The following PTPRF variants were observed in gnomAD, a reference collection of about 807,000 sequenced individuals.
PTPRF encodes receptor-type tyrosine-protein phosphatase F.
A neutral mutation model predicts 201.8 loss-of-function variants in PTPRF; 59 were observed. That is an observed-to-expected ratio of 0.29 (90% CI 0.24 to 0.36). The LOEUF is 0.36. Among genes scored for constraint, PTPRF ranks in the 10% least tolerant of loss-of-function variants. PTPRF has a pLI of 1.00. For missense variants in PTPRF, 2,132 were observed against 2,690.5 expected (o/e 0.79, Z 4.59); for synonymous variants, 1,088 against 1,089.7 (o/e 1.00, Z 0.03).
Position 43,553,699 on chromosome 1 carries a change from G to C in PTPRF, c.237+62G>C. 1 of 1,609,968 alleles carries C rather than the reference G, an allele frequency of 6.2e-7. No individual in the cohort carries two copies. Among genetic ancestry groups the C allele is most frequent in the Non-Finnish European group, 8.5e-7 (1 of 1,177,452 alleles). On this transcript the variant is annotated intron_variant, in intron 4 of 33. Coordinates refer to ENST00000359947, the MANE Select transcript of PTPRF (RefSeq NM_002840.5). The surrounding 1 kb of genome is among the most constrained non-coding windows in gnomAD (Gnocchi z 4.1). Reference sequence around the variant, plus strand: ...GGTCTGCCCACACTCTCTCCTTTCAGTGTCCCTCCTCATGGACCTTTTGGA... The same window carrying C: ...GGTCTGCCCACACTCTCTCCTTTCACTGTCCCTCCTCATGGACCTTTTGGA...
At chr1:43,532,985 A>G (rs1643752253) in intron 1 of PTPRF, among the ~76,000 whole-genome samples, 1 of 152,220 alleles carries the variant, frequency 6.6e-6, no homozygotes, top group African/African-American at 2.4e-5. Context: ...CTCTCGCAGC[A>G]TACCTGTGCA....
At chr1:43,586,297 C>G (rs3791142) in intron 7 of PTPRF, among the ~76,000 whole-genome samples, 1 of 152,058 alleles carries the variant, frequency 6.6e-6, no homozygotes, top group South Asian at 2.1e-4. Context: ...GCCCCCACCC[C>G]GCTTCTGTGG....
rs578217622 is a variant in PTPRF at position 43,617,578 on chromosome 1, G to A, written c.4195+10G>A. The A allele has an allele frequency of 5.0e-6, 8 of 1,613,684 alleles. No homozygotes were observed. In the South Asian group the frequency reaches 8.8e-5, roughly 18 times the overall value. On this transcript the variant is annotated intron_variant, in intron 24 of 33. Transcript: ENST00000359947. ...CTTACCTCTATCGATGGTGAGCCAAGGGGGTGCCCCTCCCATCCCCTTGCT... is the reference window on the plus strand; with the variant it reads ...CTTACCTCTATCGATGGTGAGCCAAAGGGGTGCCCCTCCCATCCCCTTGCT...
At chr1:43,569,977 C>T (rs1646459881) in intron 6 of PTPRF, among the ~76,000 whole-genome samples, 199 bp downstream of exon 6, 2 of 152,172 alleles carry the variant, frequency 1.3e-5, no homozygotes, top group Non-Finnish European at 1.5e-5. Flanking sequence ...TTACCTTCTT[C>T]GGATTGTCAG....
chr1:43,607,591 A>G (rs1404481541), intron 21 of PTPRF, among the ~76,000 whole-genome samples: 1 of 152,184 alleles, frequency 6.6e-6, no homozygotes, highest in Admixed American at 6.5e-5. Context: ...CCAAAGATTT[A>G]ACTTTGTCAC....
chr1:43,535,489 G>A (rs1030831479), intron 1 of PTPRF, among the ~76,000 whole-genome samples: 2 of 152,144 alleles, frequency 1.3e-5, no homozygotes, highest in African/African-American at 4.8e-5. Flanking sequence ...TCTGGTTTTA[G>A]CTCCTTAGCA....
chr1:43,609,340 C>G (rs1557847661), intron 21 of PTPRF, 43 bp from the exon 22 acceptor site: 1 of 1,541,904 alleles, frequency 6.5e-7, no homozygotes, highest in East Asian at 2.3e-5. Context: ...ACTGTCTCAG[C>G]CTGGACCTCA....
At chr1:43,599,837 G>A (rs966035731) in intron 13 of PTPRF, among the ~76,000 whole-genome samples, 1 of 152,180 alleles carries the variant, frequency 6.6e-6, no homozygotes, top group Admixed American at 6.5e-5. Context: ...CACAGTTGCT[G>A]TCATGAGCCC....
Position 43,606,456 on chromosome 1 carries a change from C to G in PTPRF, c.3700C>G (p.Gln1234Glu). ...VLASLKEPMD[Q>E]KRYASSPYSD... ...TGCCTCCTTGAAGGAACCCATGGAC[C>G]AGGTCTGCCTGAGCCGGCTTGGCTG... The change falls in exon 20 of 34, where the codon CAG becomes GAG. Residue 1234 changes from glutamine (Q) to glutamate (E), a missense_variant and splice_region_variant. This residue lies in a region of PTPRF where 818 missense variants were observed against 915.3 expected (regional missense o/e 0.89). Transcript: ENST00000359947. 1 of 1,612,396 alleles carries G rather than the reference C, an allele frequency of 6.2e-7. No homozygotes were observed. The highest frequency in any genetic ancestry group is 8.5e-7 in the Non-Finnish European group (1 of 1,179,030).
Position 43,620,626 on chromosome 1 carries a change from C to T in PTPRF, c.5364+47C>T, listed in dbSNP as rs750214738. 3.1e-6 allele frequency: 5 copies of T among 1,597,810 alleles called. No individual in the cohort carries two copies. In the South Asian group the frequency reaches 4.5e-5, roughly 15 times the overall value. The stretch of plus-strand genomic sequence containing the variant: ...GTCCATAACGCTGCCTGTCCACACG[C>T]TGGGTGGATGGCTGCCTGCATGGTA... On this transcript the variant is annotated intron_variant, in intron 31 of 33. Transcript: ENST00000359947.
chr1:43,546,771 A>G lies in PTPRF; in HGVS notation c.91+1605A>G, dbSNP rs1644703429. Among the ~76,000 whole-genome samples, 1 of 152,058 alleles carries G rather than the reference A, an allele frequency of 6.6e-6. No individual in the cohort carries two copies. The highest frequency in any genetic ancestry group is 2.4e-5 in the African/African-American group (1 of 41,386). The stretch of plus-strand genomic sequence containing the variant: ...CTGTCTTCCCGTGTTCTCTCCCGTG[A>G]AAGGCATTACCACCCACCCGGTCAC... On this transcript the variant is annotated intron_variant, in intron 3 of 33. Coordinates refer to ENST00000359947, the MANE Select transcript of PTPRF (RefSeq NM_002840.5). This position sits in a 1 kb window ranked among gnomAD's most constrained non-coding sequence, Gnocchi z 4.2.
chr1:43,619,839 A>G lies in PTPRF; in HGVS notation c.5092A>G (p.Ser1698Gly). ...GGAGGGCTCTGACTACATCAATGCC[A>G]GCTTCCTGGATGGTTATAGGTCAGC... ...GVEGSDYINA[S>G]FLDGYRQQKA... Residue 1698 changes from serine (S) to glycine (G), a missense_variant, in exon 29 of 34, where the codon AGC becomes GGC. Physicochemically the swap from Ser to Gly is moderately conservative, Grantham distance 56. This residue lies in a region of PTPRF where 519 missense variants were observed against 659.5 expected (regional missense o/e 0.79). Transcript: ENST00000359947. 6.2e-7 allele frequency: 1 copy of G among 1,614,176 alleles called. No homozygotes were observed. The highest frequency in any genetic ancestry group is 8.5e-7 in the Non-Finnish European group (1 of 1,180,010).
chr1:43,587,976 AC>A (rs1649596418), intron 7 of PTPRF, among the ~76,000 whole-genome samples: 1 of 151,812 alleles, frequency 6.6e-6, no homozygotes, highest in East Asian at 1.9e-4. Context: ...TCCCCTTGAG[AC>A]CCTTGTTTGT....
At chr1:43,583,449 G>A (rs1230512619) in intron 7 of PTPRF, among the ~76,000 whole-genome samples, 1 of 152,194 alleles carries the variant, frequency 6.6e-6, no homozygotes, top group South Asian at 2.1e-4. Context: ...ATGGTTGTGG[G>A]GGGCTGTGGT....
At chr1:43,607,203 CAG>C (rs768981762) in intron 21 of PTPRF, among the ~76,000 whole-genome samples, 2 of 152,218 alleles carry the variant, frequency 1.3e-5, no homozygotes, top group Non-Finnish European at 2.9e-5. Context: ...ACTAAAGCCT[CAG>C]AGGGTTGTCT....
At position 43,575,345 on chromosome 1, in the gene PTPRF, C is replaced by T. The variant is rs1275707451; in HGVS notation, c.569-3465C>T. On this transcript the variant is annotated intron_variant, in intron 6 of 33. Transcript: ENST00000359947. The stretch of plus-strand genomic sequence containing the variant: ...TTTTTAGCAGGGTTGAGTGGGCTTT[C>T]TAGGGACTCTGTCTCTGGGCTGTGA... 9.9e-5 allele frequency among the ~76,000 whole-genome samples: 15 copies of T among 152,074 alleles called. No individual in the cohort carries two copies. In the East Asian group the frequency reaches 2.9e-3, roughly 29 times the overall value.
chr1:43,589,116 T>C (rs1570371167), intron 8 of PTPRF, 116 bp downstream of exon 8: 2 of 1,283,316 alleles, frequency 1.6e-6, no homozygotes, highest in East Asian at 5.7e-5. Flanking sequence ...TTCTTGCCCT[T>C]TCCTGGGTGT....
chr1:43,542,316 T>C lies in PTPRF; in HGVS notation c.-45-2715T>C, dbSNP rs1202716017. 1.3e-5 allele frequency among the ~76,000 whole-genome samples: 2 copies of C among 151,964 alleles called. No homozygotes were observed. Among genetic ancestry groups the C allele is most frequent in the Non-Finnish European group, 2.9e-5 (2 of 67,970 alleles). On this transcript the variant is annotated intron_variant, in intron 2 of 33. Transcript: ENST00000359947. The surrounding 1 kb of genome is among the most constrained non-coding windows in gnomAD (Gnocchi z 5.2). The stretch of plus-strand genomic sequence containing the variant: ...TCGTACAGCTGTGTGGCTGCCAGAG[T>C]AGTTGCCTGAGAATGTGTTTGTGTG...
At chr1:43,536,207 G>T (rs1317560923) in intron 1 of PTPRF, among the ~76,000 whole-genome samples, 1 of 152,222 alleles carries the variant, frequency 6.6e-6, no homozygotes, top group Non-Finnish European at 1.5e-5. Context: ...CTCTGTCCCA[G>T]TGTGAGTGTA....
Sources: allele counts gnomAD v4.1 joint callset (sites outside exome capture counted in the v4.1 genomes callset), GRCh38; gene constraint gnomAD v4.1.1; regional missense constraint gnomAD v4.1.1; non-coding constraint Gnocchi (gnomAD v3.1); transcripts MANE v1.5; gene names NCBI Gene and HGNC (gene_info 2026-07-23, HGNC 2026-07-21).